Variants in HEATR5A observed in about 807,000 individuals in gnomAD.
The protein encoded by HEATR5A is HEAT repeat containing 5A.
HEATR5A carries 178 observed loss-of-function variants against 218.8 expected under a neutral mutation model. The ratio of observed to expected loss-of-function variants is 0.81; its 90% CI spans 0.72 to 0.92. The LOEUF is 0.92. Ranked by LOEUF, HEATR5A falls within the 40% of genes least tolerant of loss-of-function variation. The probability of loss-of-function intolerance (pLI) is 0.00; values close to 1 mark genes in which losing one functional copy is unlikely to be tolerated. For missense variants in HEATR5A, 2,420 were observed against 2,418.9 expected (o/e 1.00, Z -0.01); for synonymous variants, 864 against 871.6 (o/e 0.99, Z 0.15).
chr14:31,314,000 T>A (rs1404856159), intron 27 of HEATR5A, among the ~76,000 whole-genome samples: 1 of 152,166 alleles, frequency 6.6e-6, no homozygotes, highest in Non-Finnish European at 1.5e-5. Flanking sequence ...CAGGCTGGAG[T>A]GCAGTGGTGC....
intron 34 of HEATR5A, 74 bp downstream of exon 34, chr14:31,295,835 A>G: frequency 2.4e-6 from 3 of 1,275,498 alleles, no homozygotes; most frequent in Non-Finnish European, 3.3e-6. Context: ...GGAGCCAACA[A>G]AATCACACAG....
Position 31,323,676 on chromosome 14 carries a change from T to C in HEATR5A, c.3676A>G (p.Arg1226Gly). The C allele has an allele frequency of 6.2e-7, 1 of 1,613,732 alleles. No homozygotes were observed. The highest frequency in any genetic ancestry group is 8.5e-7 in the Non-Finnish European group (1 of 1,179,740). Residue 1226 changes from arginine to glycine, a missense_variant, in exon 24 of 36, where the codon AGA becomes GGA. Transcript: ENST00000543095. The stretch of plus-strand genomic sequence containing the variant: ...CAGACACATTCAGCAGCAAAGACTC[T>C]AGTAGCCCATCGGGGATTGGTAAAA... The part of the protein sequence containing the change: ...HPFTNPRWAT[R>G]VFAAECVCRI...
chr14:31,367,781 T>C (rs530111098), intron 13 of HEATR5A, among the ~76,000 whole-genome samples: 18 of 151,434 alleles, frequency 1.2e-4, no homozygotes, highest in Non-Finnish European at 2.2e-4. Flanking sequence ...TAAAGAGGAG[T>C]AACGTCAAAA....
Position 31,293,271 on chromosome 14 carries a change from T to C in HEATR5A, c.*34A>G, listed in dbSNP as rs1399972167. The stretch of plus-strand genomic sequence containing the variant: ...ACCAAAGGCAATGATCAAGTATTTA[T>C]TATATTAAGGTGCTTACTATTCCAA... On this transcript the variant is annotated 3_prime_UTR_variant, in exon 36 of 36. Transcript: ENST00000543095. The C allele has an allele frequency of 3.4e-6, 5 of 1,483,608 alleles. No homozygotes were observed. The highest frequency in any genetic ancestry group is 4.6e-6 in the Non-Finnish European group (5 of 1,096,906). 91.9% of individuals were successfully genotyped at this position (1,483,608 alleles called of 1,614,324 possible). A position where few individuals can be genotyped will look rare whatever the true frequency, so the allele number is the denominator to read the frequency against.
At position 31,292,079 on chromosome 14, in the gene HEATR5A, AT is replaced by A. The variant is rs886426218; in HGVS notation, c.*1225del. On this transcript the variant is annotated 3_prime_UTR_variant, in exon 36 of 36. Transcript: ENST00000543095. Reference sequence around the variant, plus strand: ...CAACAATCATGAACACAGTTAAAAAATATTTTTCAACCAATATGACTTTATC... The same window carrying A: ...CAACAATCATGAACACAGTTAAAAAAATTTTTCAACCAATATGACTTTATC... 1 of 152,224 alleles carries A rather than the reference AT, an allele frequency of 6.6e-6. No individual in the cohort carries two copies. The highest frequency in any genetic ancestry group is 2.4e-5 in the African/African-American group (1 of 41,462). The allele number at this position is 152,224 out of a possible 1,614,324, so 9.4% of individuals were successfully genotyped here.
Position 31,293,650 on chromosome 14 carries a change from A to T in HEATR5A, c.5834-38T>A, listed in dbSNP as rs1899087278. 2.0e-6 allele frequency: 3 copies of T among 1,530,808 alleles called. No homozygotes were observed. In the East Asian group the frequency reaches 6.8e-5, roughly 35 times the overall value. 94.8% of individuals were successfully genotyped at this position (1,530,808 alleles called of 1,614,324 possible). Reference sequence around the variant, plus strand: ...CAAATAATATAAGTTCAGTGACATAAATGTTTCTAACAAAAGCCTGCAAAT... The same window carrying T: ...CAAATAATATAAGTTCAGTGACATATATGTTTCTAACAAAAGCCTGCAAAT... On this transcript the variant is annotated intron_variant, in intron 35 of 35. Transcript: ENST00000543095.
chr14:31,335,122 TTTTAA>T (rs1329601692), intron 22 of HEATR5A, among the ~76,000 whole-genome samples: 1 of 152,088 alleles, frequency 6.6e-6, no homozygotes, highest in Non-Finnish European at 1.5e-5. Flanking sequence ...AATAAAGAAT[TTTTAA>T]TTTAAGGTAT....
chr14:31,382,651 T>C (rs897212980), intron 10 of HEATR5A, among the ~76,000 whole-genome samples: 1 of 151,926 alleles, frequency 6.6e-6, no homozygotes, highest in Non-Finnish European at 1.5e-5. Flanking sequence ...AACTGGGTTA[T>C]TTATTCACTA....
chr14:31,295,748 T>C (rs186700011), intron 34 of HEATR5A, among the ~76,000 whole-genome samples, 161 bp downstream of exon 34: 5 of 152,174 alleles, frequency 3.3e-5, no homozygotes, highest in African/African-American at 7.2e-5. Flanking sequence ...ACTACTGTTA[T>C]TTGGCTTTGT....
At chr14:31,389,078 A>C in intron 6 of HEATR5A, 73 bp from the exon 7 acceptor site, 1 of 1,349,800 alleles carries the variant, frequency 7.4e-7, no homozygotes, top group Non-Finnish European at 1.0e-6. Context: ...ATTTGCAAAA[A>C]GCATGTTAAT....
intron 14 of HEATR5A, among the ~76,000 whole-genome samples, chr14:31,360,765 G>A (rs1310094521): frequency 6.6e-6 from 1 of 152,130 alleles, no homozygotes; most frequent in Admixed American, 6.6e-5. Context: ...GAGTTAGGAA[G>A]GGTTTACTTG....
At chr14:31,397,646 T>C (rs1013033080) in intron 4 of HEATR5A, among the ~76,000 whole-genome samples, 1 of 141,696 alleles carries the variant, frequency 7.1e-6, no homozygotes, top group African/African-American at 2.7e-5. Flanking sequence ...GTGACACAGC[T>C]AGACTCCGTC....
At chr14:31,375,745 T>C (rs1037570076) in intron 11 of HEATR5A, among the ~76,000 whole-genome samples, 7 of 152,092 alleles carry the variant, frequency 4.6e-5, no homozygotes, top group African/African-American at 1.7e-4. Flanking sequence ...TTGTTCCAGG[T>C]CAATAATCAG....
intron 9 of HEATR5A, among the ~76,000 whole-genome samples, chr14:31,384,874 A>G (rs1347297307): frequency 6.6e-6 from 1 of 152,086 alleles, no homozygotes; most frequent in East Asian, 1.9e-4. Context: ...TATAAGAATA[A>G]AACATTAAAA....
In HEATR5A at chr14:31,375,988, C is replaced by T. The variant is rs968573099; in HGVS notation, c.1709-1020G>A. On this transcript the variant is annotated intron_variant, in intron 11 of 35. Transcript: ENST00000543095. ...AAGCGCTCTCTACTTCTTACTCCCA[C>T]ATTCTGCTGACTGTATGTCTTTCTT... is the stretch of plus-strand genomic sequence containing the variant. Among the ~76,000 whole-genome samples the T allele has an allele frequency of 5.9e-5, 9 of 152,266 alleles. 1 individual carries two copies. In the East Asian group the frequency reaches 1.7e-3, roughly 29 times the overall value.
At chr14:31,337,843 T>C (rs538874657) in intron 21 of HEATR5A, among the ~76,000 whole-genome samples, 3 of 152,312 alleles carry the variant, frequency 2.0e-5, no homozygotes, top group East Asian at 3.9e-4. Context: ...GCACTACTCA[T>C]AAATCTAACA....
chr14:31,318,737 G>A (rs112756207), intron 25 of HEATR5A, among the ~76,000 whole-genome samples: 3,235 of 152,212 alleles, frequency 0.021, 91 homozygotes, highest in African/African-American at 0.067. Flanking sequence ...TGATCCAACT[G>A]CCTCCTCCCA....
intron 1 of HEATR5A, among the ~76,000 whole-genome samples, chr14:31,405,117 T>C (rs948884280): frequency 2.1e-5 from 3 of 140,114 alleles, no homozygotes; most frequent in Non-Finnish European, 3.1e-5. Flanking sequence ...TTTTCAAAAA[T>C]GTCACTTTTA....
At chr14:31,325,920 T>C (rs1900252665) in intron 23 of HEATR5A, 3 of 541,212 alleles carry the variant, frequency 5.5e-6, no homozygotes, top group Non-Finnish European at 9.8e-6. Flanking sequence ...TTGTTTTATA[T>C]AGGAAAGTCA....
Sources: allele counts gnomAD v4.1 joint callset (sites outside exome capture counted in the v4.1 genomes callset), GRCh38; gene constraint gnomAD v4.1.1; transcripts MANE v1.5; gene names NCBI Gene and HGNC (gene_info 2026-07-23, HGNC 2026-07-21).